Variants in PODXL observed in about 807,000 individuals in gnomAD.
The protein encoded by PODXL is podocalyxin.
A neutral mutation model predicts 48.9 loss-of-function variants in PODXL; 20 were observed. The observed-to-expected ratio is 0.41, with a 90% CI of 0.29 to 0.59. PODXL has a LOEUF of 0.59. Among genes scored for constraint, PODXL ranks in the 20% least tolerant of loss-of-function variants. PODXL has a pLI of 0.31. For synonymous variants in PODXL, 295 were observed against 287.4 expected (o/e 1.03, Z -0.27); for missense variants, 606 against 675.1 (o/e 0.90, Z 1.13).
intron 1 of PODXL, among the ~76,000 whole-genome samples, chr7:131,526,070 A>G (rs1253354356): frequency 6.6e-6 from 1 of 152,198 alleles, no homozygotes; most frequent in African/African-American, 2.4e-5. Context: ...ACCCAGGTCC[A>G]TGTTTGGTTT....
chr7:131,554,191 G>C (rs961114728), intron 1 of PODXL, among the ~76,000 whole-genome samples: 3 of 152,162 alleles, frequency 2.0e-5, no homozygotes, highest in Non-Finnish European at 4.4e-5. Context: ...GGATGGAGCT[G>C]GCCTTACTGA....
At chr7:131,553,998 G>C (rs1798706577) in intron 1 of PODXL, among the ~76,000 whole-genome samples, 1 of 152,192 alleles carries the variant, frequency 6.6e-6, no homozygotes, top group Non-Finnish European at 1.5e-5. Context: ...CCATATATTG[G>C]AAGGTAAGCT....
At chr7:131,518,527 G>A (rs966339216) in intron 1 of PODXL, among the ~76,000 whole-genome samples, 21 of 152,258 alleles carry the variant, frequency 1.4e-4, no homozygotes, top group Non-Finnish European at 2.4e-4. Flanking sequence ...GATGCTGTCC[G>A]TAAGAGGTCT....
intron 1 of PODXL, among the ~76,000 whole-genome samples, chr7:131,547,805 C>A (rs914208910): frequency 2.1e-4 from 32 of 152,228 alleles, no homozygotes; most frequent in African/African-American, 7.5e-4. Flanking sequence ...GGCAGCTCCA[C>A]GGAATACCAC....
chr7:131,522,193 GT>G (rs1164973745), intron 1 of PODXL, among the ~76,000 whole-genome samples: 3 of 152,228 alleles, frequency 2.0e-5, no homozygotes, highest in Non-Finnish European at 4.4e-5. Context: ...GCTCACGCCT[GT>G]AATCCCAGCA....
At chr7:131,544,850 C>T (rs181882258) in intron 1 of PODXL, among the ~76,000 whole-genome samples, 1 of 152,160 alleles carries the variant, frequency 6.6e-6, no homozygotes, top group African/African-American at 2.4e-5. Flanking sequence ...CCACCAACTC[C>T]CAGGAACAAT....
rs60701480 is a variant in PODXL at position 131,512,994 on chromosome 7, C to CAAAAAA, written c.101-1567_101-1562dup. 9.4e-3 allele frequency among the ~76,000 whole-genome samples: 903 copies of CAAAAAA among 95,740 alleles called. 29 individuals are homozygous for CAAAAAA. Among genetic ancestry groups the CAAAAAA allele is most frequent in the African/African-American group, 0.034 (781 of 22,736 alleles). The allele number at this position is 95,740 out of a possible 152,430, so 62.8% of individuals were successfully genotyped here. On this transcript the variant is annotated intron_variant, in intron 1 of 8. Transcript: ENST00000378555. Reference sequence around the variant, plus strand: ...TGGGCGACTGAGCAAGACTCCGTCTCAAAAAAAAAAAAAAAAAAAATCACA... The same window carrying CAAAAAA: ...TGGGCGACTGAGCAAGACTCCGTCTCAAAAAAAAAAAAAAAAAAAAAAAAAATCACA...
chr7:131,556,197 C>A (rs1162057065), intron 1 of PODXL, 63 bp downstream of exon 1: 2 of 1,376,338 alleles, frequency 1.5e-6, no homozygotes, highest in Non-Finnish European at 1.9e-6. Flanking sequence ...CCCTGCAGCT[C>A]GGCCGGGCAG....
At position 131,504,002 on chromosome 7, in the gene PODXL, A is replaced by C; in HGVS notation, c.*309T>G. The C allele has an allele frequency of 2.5e-6, 1 of 400,750 alleles. No homozygotes were observed. The highest frequency in any genetic ancestry group is 5.7e-5 in the East Asian group (1 of 17,552). 24.8% of individuals were successfully genotyped at this position (400,750 alleles called of 1,614,324 possible). On this transcript the variant is annotated 3_prime_UTR_variant, in exon 9 of 9. Transcript: ENST00000378555. ...CACTTACCCTCTTCAGGTCTCGGCA[A>C]TCTCACTGCAGAATGAAGGGATTCC...
intron 1 of PODXL, among the ~76,000 whole-genome samples, chr7:131,547,374 CAAAAAAA>C (rs10683140): frequency 7.2e-5 from 5 of 68,974 alleles, no homozygotes; most frequent in Admixed American, 2.2e-4. Flanking sequence ...AACTCCGTCT[CAAAAAAA>C]AAAAAAAAAA....
intron 1 of PODXL, among the ~76,000 whole-genome samples, chr7:131,515,342 C>T (rs748400919): frequency 3.9e-5 from 6 of 152,042 alleles, no homozygotes; most frequent in African/African-American, 7.3e-5. Flanking sequence ...CGTGAGTTGC[C>T]GAATTAGGGT....
intron 1 of PODXL, among the ~76,000 whole-genome samples, chr7:131,513,109 A>G (rs1352745683): frequency 6.6e-6 from 1 of 152,194 alleles, no homozygotes. Flanking sequence ...AAAAGAAGCC[A>G]CTGAAGGCAT....
intron 1 of PODXL, among the ~76,000 whole-genome samples, chr7:131,539,491 C>G (rs955327356): frequency 2.6e-5 from 4 of 152,112 alleles, no homozygotes; most frequent in African/African-American, 9.7e-5. Context: ...CCACCACGCT[C>G]AGCTCATTTT....
In PODXL at chr7:131,556,579, G is replaced by A. The variant is rs1584840200; in HGVS notation, c.-220C>T. The A allele has an allele frequency of 2.7e-5, 11 of 414,622 alleles. 2 individuals are homozygous for A. The Admixed American group carries it at 4.4e-4, about 17-fold the overall frequency. The allele number at this position is 414,622 out of a possible 1,614,324, so 25.7% of individuals were successfully genotyped here. A position where few individuals can be genotyped will look rare whatever the true frequency, so the allele number is the denominator to read the frequency against. On this transcript the variant is annotated 5_prime_UTR_variant, in exon 1 of 9. Transcript: ENST00000378555. Reference sequence around the variant, plus strand: ...GCAGAGCCAGTGGCAGAGGAGCGGCGGCGGCGGCGGCTGCGTCCTGGGCGG... The same window carrying A: ...GCAGAGCCAGTGGCAGAGGAGCGGCAGCGGCGGCGGCTGCGTCCTGGGCGG...
chr7:131,509,440 G>T lies in PODXL; in HGVS notation c.948C>A (p.Ser316=), dbSNP rs780264084. 10 of 1,614,040 alleles carry T rather than the reference G, an allele frequency of 6.2e-6. No individual in the cohort carries two copies. In the South Asian group the frequency reaches 1.1e-4, roughly 18 times the overall value. The change falls in exon 4 of 9, where the codon TCC becomes TCA. Residue 316 remains serine, a synonymous_variant. Transcript: ENST00000378555. ...RTPTLPETMS[S]SPTAASTTHR... ...GGGTAGTTGATGCTGCTGTGGGGCTGGAGCTCATGGTCTCTGGCAGGGTAG... is the reference window on the plus strand; with the variant it reads ...GGGTAGTTGATGCTGCTGTGGGGCTTGAGCTCATGGTCTCTGGCAGGGTAG...
At chr7:131,511,648 G>A (rs1290766435) in intron 1 of PODXL, among the ~76,000 whole-genome samples, 1 of 151,906 alleles carries the variant, frequency 6.6e-6, no homozygotes, top group Admixed American at 6.5e-5. Context: ...GGAGAATGGG[G>A]TCTTGCTATA....
intron 1 of PODXL, among the ~76,000 whole-genome samples, chr7:131,555,242 C>T (rs1407893884): frequency 6.6e-6 from 1 of 152,166 alleles, no homozygotes. Context: ...AGGGTGATCA[C>T]ACCACCTCAG....
chr7:131,503,281 T>G lies in PODXL; in HGVS notation c.*1030A>C, dbSNP rs1797741203. 1 of 152,766 alleles carries G rather than the reference T, an allele frequency of 6.5e-6. No homozygotes were observed. Among genetic ancestry groups the G allele is most frequent in the South Asian group, 2.1e-4 (1 of 4,828 alleles). 9.5% of individuals were successfully genotyped at this position (152,766 alleles called of 1,614,324 possible). On this transcript the variant is annotated 3_prime_UTR_variant, in exon 9 of 9. Coordinates refer to ENST00000378555, the MANE Select transcript of PODXL (RefSeq NM_001018111.3). ...GGAAGGCCTCTCCTGCAGCCACTGC[T>G]CTTTCATACTGGGTCTCAGGGAATC...
chr7:131,553,239 G>A (rs1798694292), intron 1 of PODXL, among the ~76,000 whole-genome samples: 1 of 152,110 alleles, frequency 6.6e-6, no homozygotes, highest in Non-Finnish European at 1.5e-5. Flanking sequence ...AGGAAACACT[G>A]ACCCTTTTAA....
Sources: allele counts gnomAD v4.1 joint callset (sites outside exome capture counted in the v4.1 genomes callset), GRCh38; gene constraint gnomAD v4.1.1; transcripts MANE v1.5; gene names NCBI Gene and HGNC (gene_info 2026-07-23, HGNC 2026-07-21).